GPC6: variants seen among roughly 807,000 people sequenced by gnomAD.
The protein encoded by GPC6 is glypican 6.
Under a neutral mutation model 55.2 loss-of-function variants are expected in GPC6, and 14 were observed. The observed-to-expected ratio is 0.25, with a 90% CI of 0.17 to 0.40. GPC6 has a LOEUF of 0.40. GPC6 is among the 10% of genes least tolerant of loss of function. The pLI, the probability that GPC6 is intolerant of heterozygous loss-of-function variation, is 1.00. For missense variants in GPC6, 641 were observed against 708.5 expected, an observed-to-expected ratio of 0.90 and a Z score of 1.08; for synonymous variants, 278 against 259.6, an observed-to-expected ratio of 1.07 and a Z score of -0.68.
chr13:93,297,389 A>G (rs1317544790), intron 1 of GPC6, among the ~76,000 whole-genome samples: 1 of 152,188 alleles, frequency 6.6e-6, no homozygotes, highest in Non-Finnish European at 1.5e-5. Flanking sequence ...GTACACCACC[A>G]TGGCACACAT....
intron 1 of GPC6, among the ~76,000 whole-genome samples, chr13:93,254,253 G>C (rs1320399160): frequency 6.6e-6 from 1 of 152,186 alleles, no homozygotes; most frequent in Non-Finnish European, 1.5e-5. Flanking sequence ...GAGCCCAGGA[G>C]TTTGAAGTTA....
chr13:93,389,503 C>CAA (rs5805801), intron 1 of GPC6, among the ~76,000 whole-genome samples: 2 of 124,254 alleles, frequency 1.6e-5, no homozygotes, highest in East Asian at 3.4e-4. Flanking sequence ...GACTCCATCT[C>CAA]AAAAAAAAAA....
intron 6 of GPC6, among the ~76,000 whole-genome samples, chr13:94,375,288 T>C (rs2139198446): frequency 6.6e-6 from 1 of 152,026 alleles, no homozygotes; most frequent in East Asian, 1.9e-4. Context: ...ATCAACAAAA[T>C]TGATAGACTT....
At chr13:93,766,332 C>A (rs1040192567) in intron 2 of GPC6, among the ~76,000 whole-genome samples, 2 of 152,026 alleles carry the variant, frequency 1.3e-5, no homozygotes, top group African/African-American at 4.8e-5. Context: ...AGTTTCAAGT[C>A]TGAAACTTTT....
intron 5 of GPC6, among the ~76,000 whole-genome samples, chr13:94,299,523 T>C (rs977719705): frequency 3.9e-5 from 6 of 152,202 alleles, no homozygotes; most frequent in Admixed American, 6.5e-5. Flanking sequence ...GACATCTGGG[T>C]GAAGCCCTCA....
intron 4 of GPC6, among the ~76,000 whole-genome samples, chr13:94,260,064 G>A (rs1891614033): frequency 1.3e-5 from 2 of 152,122 alleles, no homozygotes; most frequent in Non-Finnish European, 2.9e-5. Context: ...CTGAAACTTA[G>A]GGACAAACGG....
Position 93,692,555 on chromosome 13 carries a change from T to TG in GPC6, c.320-137598dup, listed in dbSNP as rs576357032. ...TCTAGGAACTGTTCGTTAGTTCCTG[T>TG]GCTGACAGTTACTACATTTGCTTTA... On this transcript the variant is annotated intron_variant, in intron 2 of 8. Transcript: ENST00000377047. 7.9e-5 allele frequency among the ~76,000 whole-genome samples: 12 copies of TG among 152,218 alleles called. No homozygotes were observed. The East Asian group carries it at 2.3e-3, about 29-fold the overall frequency.
chr13:93,251,507 A>G (rs1338774979), intron 1 of GPC6, among the ~76,000 whole-genome samples: 1 of 152,260 alleles, frequency 6.6e-6, no homozygotes, highest in African/African-American at 2.4e-5. Context: ...TGGAAATAAT[A>G]TGAACTTTTT....
intron 6 of GPC6, among the ~76,000 whole-genome samples, chr13:94,353,161 G>A (rs1223129613): frequency 6.6e-6 from 1 of 152,096 alleles, no homozygotes; most frequent in African/African-American, 2.4e-5. Context: ...GTTTGCCCCT[G>A]TGGGTCACCT....
At chr13:93,617,649 C>T (rs966713048) in intron 2 of GPC6, among the ~76,000 whole-genome samples, 1 of 151,938 alleles carries the variant, frequency 6.6e-6, no homozygotes, top group African/African-American at 2.4e-5. Flanking sequence ...TCTGGAATCC[C>T]AAGTTTCAAT....
chr13:93,569,151 A>G (rs752875786), intron 2 of GPC6, among the ~76,000 whole-genome samples: 2 of 152,186 alleles, frequency 1.3e-5, no homozygotes, highest in Non-Finnish European at 2.9e-5. Context: ...TGAACCTACC[A>G]TAATTGTAGA....
At chr13:94,197,640 C>T (rs1199450986) in intron 4 of GPC6, among the ~76,000 whole-genome samples, 19 of 152,090 alleles carry the variant, frequency 1.2e-4, no homozygotes, top group Admixed American at 1.2e-3. Context: ...CCCTGAAGGC[C>T]CTATCTCCAA....
intron 2 of GPC6, among the ~76,000 whole-genome samples, chr13:93,624,927 AG>A (rs1200787361): frequency 6.6e-6 from 1 of 152,218 alleles, no homozygotes; most frequent in Non-Finnish European, 1.5e-5. Context: ...TTAAATAGCT[AG>A]GAAATATGTG....
intron 1 of GPC6, among the ~76,000 whole-genome samples, chr13:93,264,014 G>T (rs1470062986): frequency 1.3e-5 from 2 of 152,114 alleles, no homozygotes; most frequent in Non-Finnish European, 2.9e-5. Context: ...GGATGGAGTT[G>T]TGCTGTGTCT....
At chr13:93,386,992 C>T (rs145501101) in intron 1 of GPC6, among the ~76,000 whole-genome samples, 1 of 152,242 alleles carries the variant, frequency 6.6e-6, no homozygotes, top group Non-Finnish European at 1.5e-5. Context: ...TAATTCAGCA[C>T]GATCTCAACT....
upstream of GPC6, among the ~76,000 whole-genome samples, chr13:93,223,040 T>TC (rs1555335542): frequency 5.4e-5 from 8 of 148,652 alleles, no homozygotes; most frequent in African/African-American, 2.5e-5. Context: ...TTTTTTTTTT[T>TC]CAGAAATCTC....
chr13:94,298,691 C>T (rs996830740), intron 5 of GPC6, among the ~76,000 whole-genome samples: 1 of 152,210 alleles, frequency 6.6e-6, no homozygotes, highest in African/African-American at 2.4e-5. Flanking sequence ...TATTTTGGGT[C>T]TCGTTATCAC....
intron 4 of GPC6, among the ~76,000 whole-genome samples, chr13:94,142,010 G>A (rs1887396137): frequency 6.6e-6 from 1 of 151,692 alleles, no homozygotes; most frequent in Non-Finnish European, 1.5e-5. Context: ...GTGTGTGTGT[G>A]TGATTCTGTA....
At chr13:93,695,228 C>T (rs188027065) in intron 2 of GPC6, among the ~76,000 whole-genome samples, 1 of 152,094 alleles carries the variant, frequency 6.6e-6, no homozygotes, top group African/African-American at 2.4e-5. Context: ...TTCCTGAAAT[C>T]ACCCTAAAAT....
Sources: allele counts gnomAD v4.1 joint callset (sites outside exome capture counted in the v4.1 genomes callset), GRCh38; gene constraint gnomAD v4.1.1; transcripts MANE v1.5; gene names NCBI Gene and HGNC (gene_info 2026-07-23, HGNC 2026-07-21).